The following GFM2 variants were observed in gnomAD, a reference collection of about 807,000 sequenced individuals.
GFM2 encodes the protein ribosome-releasing factor 2, mitochondrial.
GFM2 carries 72 observed loss-of-function variants against 95.4 expected under a neutral mutation model. That is an observed-to-expected ratio of 0.76 (90% CI 0.62 to 0.92). The LOEUF is 0.92. GFM2 is among the 40% of genes least tolerant of loss of function. The pLI is 0.00. For synonymous variants in GFM2, 276 were observed against 317.5 expected, an observed-to-expected ratio of 0.87 and a Z score of 1.39; for missense variants, 825 against 924.1, an observed-to-expected ratio of 0.89 and a Z score of 1.39.
At chr5:74,743,560 A>T (rs2112285160) in intron 10 of GFM2, among the ~76,000 whole-genome samples, 1 of 152,326 alleles carries the variant, frequency 6.6e-6, no homozygotes, top group East Asian at 1.9e-4. Flanking sequence ...GTCACATACT[A>T]TCACATCCTA....
At chr5:74,741,979 T>G (rs1743132582) in intron 10 of GFM2, 1 of 155,960 alleles carries the variant, frequency 6.4e-6, no homozygotes, top group African/African-American at 2.4e-5. Context: ...TATAAAAAAG[T>G]TTCATCTGGT....
At chr5:74,736,456 T>TG in intron 15 of GFM2, 1 of 985,224 alleles carries the variant, frequency 1.0e-6, no homozygotes, top group Non-Finnish European at 1.2e-6. Context: ...TTATACATGA[T>TG]GATGACAAAC....
chr5:74,735,544 C>T (rs1032458901), intron 15 of GFM2, among the ~76,000 whole-genome samples: 1 of 152,128 alleles, frequency 6.6e-6, no homozygotes, highest in Admixed American at 6.6e-5. Flanking sequence ...AACAAACAGT[C>T]TAATATAGGA....
rs185958744 is a variant in GFM2, at chr5:74,742,267, A to C, written c.850-658T>G. On this transcript the variant is annotated intron_variant, in intron 10 of 20. Transcript: ENST00000296805. ...AACGTTCAAACTTGGTAAAAAAAAAAAAAACCACACTGTTAACAGGATTAA... is the reference window on the plus strand; with the variant it reads ...AACGTTCAAACTTGGTAAAAAAAAACAAAACCACACTGTTAACAGGATTAA... Among the ~76,000 whole-genome samples, 547 of 152,176 alleles carry C rather than the reference A, an allele frequency of 3.6e-3. 6 individuals are homozygous for C. Among genetic ancestry groups the C allele is most frequent in the African/African-American group, 0.013 (525 of 41,498 alleles).
rs547386062 is a variant in GFM2, at chr5:74,752,428, CAT to C, written c.305-937_305-936del. On this transcript the variant is annotated intron_variant, in intron 5 of 20. Transcript: ENST00000296805. ...ATATGTATAAATATGTATACACACA[CAT>C]AGTCTAAACACCAGAGGAGGAAATA... is the stretch of plus-strand genomic sequence containing the variant. Among the ~76,000 whole-genome samples, 12 of 152,222 alleles carry C rather than the reference CAT, an allele frequency of 7.9e-5. No homozygotes were observed. In the South Asian group the frequency reaches 2.5e-3, roughly 32 times the overall value.
At chr5:74,726,677 A>T (rs1441568708) in intron 17 of GFM2, among the ~76,000 whole-genome samples, 1 of 152,188 alleles carries the variant, frequency 6.6e-6, no homozygotes, top group Non-Finnish European at 1.5e-5. Context: ...CTAAAAACCA[A>T]CAATCTCCAA....
intron 15 of GFM2, chr5:74,733,335 GAAAA>G (rs59571482): frequency 1.0e-5 from 2 of 195,526 alleles, no homozygotes; most frequent in South Asian, 1.5e-4. Context: ...TACAAAAAAA[GAAAA>G]AAAAAAAAAG....
intron 12 of GFM2, 37 bp downstream of exon 12, chr5:74,739,952 A>G (rs1354513130): frequency 7.3e-7 from 1 of 1,374,798 alleles, no homozygotes; most frequent in Non-Finnish European, 9.6e-7. Flanking sequence ...GTTTCTTCAA[A>G]GCTATAGAAT....
chr5:74,730,452 G>A, intron 16 of GFM2, 54 bp from the exon 17 acceptor site: 1 of 1,235,930 alleles, frequency 8.1e-7, no homozygotes, highest in Non-Finnish European at 1.1e-6. Flanking sequence ...ATTTATTGCA[G>A]AATACTATAT....
At chr5:74,766,625 G>A (rs548762746) in intron 1 of GFM2, among the ~76,000 whole-genome samples, 10 of 152,316 alleles carry the variant, frequency 6.6e-5, no homozygotes, top group Admixed American at 1.3e-4. Context: ...CAAAAAACCA[G>A]AATGTTATCT....
At chr5:74,760,426 G>C (rs1220513692) in intron 3 of GFM2, among the ~76,000 whole-genome samples, 1 of 152,092 alleles carries the variant, frequency 6.6e-6, no homozygotes, top group Non-Finnish European at 1.5e-5. Flanking sequence ...AACACAGAAA[G>C]GACATTCAAA....
chr5:74,745,609 A>C, intron 10 of GFM2, 69 bp downstream of exon 10: 1 of 1,328,782 alleles, frequency 7.5e-7, no homozygotes. Flanking sequence ...AGAGATGCTA[A>C]AGTATGACTA....
In GFM2 at chr5:74,767,051, A is replaced by C; in HGVS notation, c.-138T>G. On this transcript the variant is annotated 5_prime_UTR_variant, in exon 1 of 21. Coordinates refer to ENST00000296805, the MANE Select transcript of GFM2 (RefSeq NM_032380.5). ...TCAAGTCTCGACGCCAGCCTAGGCA[A>C]AAGGCAATGTATCTAAACGAAAAGA... The C allele has an allele frequency of 3.0e-6, 1 of 337,914 alleles. No homozygotes were observed. The highest frequency in any genetic ancestry group is 5.6e-6 in the Non-Finnish European group (1 of 179,388). 20.9% of individuals were successfully genotyped at this position (337,914 alleles called of 1,614,324 possible).
intron 12 of GFM2, among the ~76,000 whole-genome samples, chr5:74,739,320 CTTTGTGCT>C (rs1441335264): frequency 6.6e-6 from 1 of 152,112 alleles, no homozygotes; most frequent in African/African-American, 2.4e-5. Context: ...AGGCACTGTT[CTTTGTGCT>C]TTACTAATCA....
intron 3 of GFM2, among the ~76,000 whole-genome samples, chr5:74,759,880 G>A (rs1744191645): frequency 6.6e-6 from 1 of 152,086 alleles, no homozygotes; most frequent in Non-Finnish European, 1.5e-5. Flanking sequence ...TATACAATTT[G>A]GAACTTGCCT....
chr5:74,765,504 CTCAT>C (rs935615269), intron 1 of GFM2, among the ~76,000 whole-genome samples: 39 of 152,080 alleles, frequency 2.6e-4, no homozygotes, highest in Non-Finnish European at 3.7e-4. Flanking sequence ...CAAGGAAGGC[CTCAT>C]TCAAACAGTG....
At chr5:74,758,642 CTA>C (rs1011590778) in intron 5 of GFM2, among the ~76,000 whole-genome samples, 3 of 152,162 alleles carry the variant, frequency 2.0e-5, no homozygotes, top group Admixed American at 1.3e-4. Context: ...CCAGTGGGGC[CTA>C]TGATAGTCTT....
In GFM2 at chr5:74,738,618, A is replaced by G; in HGVS notation, c.1104T>C (p.Cys368=). 1 of 1,613,276 alleles carries G rather than the reference A, an allele frequency of 6.2e-7. No individual in the cohort carries two copies. Among genetic ancestry groups the G allele is most frequent in the Non-Finnish European group, 8.5e-7 (1 of 1,179,578 alleles). Residue 368 remains cysteine, a synonymous_variant, in exon 13 of 21, where the codon TGT becomes TGC. Coordinates refer to ENST00000296805, the MANE Select transcript of GFM2 (RefSeq NM_032380.5). ...CATGGAGAACTTTAAATGCCAATGC[A>G]CATAAGTCATCCTTATACCACTGCC... The part of the protein sequence containing the change: ...EFLQWYKDDL[C]ALAFKVLHDK...
At chr5:74,756,569 T>C (rs570719525) in intron 5 of GFM2, among the ~76,000 whole-genome samples, 1 of 152,300 alleles carries the variant, frequency 6.6e-6, no homozygotes, top group East Asian at 1.9e-4. Flanking sequence ...CTGGATCAAA[T>C]GGTAGTTCTA....
Sources: gnomAD v4.1 joint callset for allele counts (sites outside exome capture counted in the v4.1 genomes callset) on GRCh38, gnomAD v4.1.1 for gene constraint, MANE v1.5 for transcripts, NCBI Gene and HGNC (gene_info 2026-07-23, HGNC 2026-07-21) for gene names.